ALMS1: variants seen among roughly 807,000 people sequenced by gnomAD.
ALMS1 encodes centrosome-associated protein ALMS1.
ALMS1 carries 271 observed loss-of-function variants against 352.2 expected under a neutral mutation model. The observed-to-expected ratio is 0.77, with a 90% CI of 0.70 to 0.85. The LOEUF (loss-of-function observed/expected upper bound fraction) is 0.85, where lower values mean the gene tolerates loss of function less well. Among genes scored for constraint, ALMS1 ranks in the 40% least tolerant of loss-of-function variants. ALMS1 has a pLI of 0.00. For missense variants in ALMS1, 5,445 were observed against 4,870.7 expected, an observed-to-expected ratio of 1.12 and a Z score of -3.51; for synonymous variants, 1,865 against 1,761.2, an observed-to-expected ratio of 1.06 and a Z score of -1.48.
chr2:73,451,608 T>C lies in ALMS1; in HGVS notation c.5081T>C (p.Val1694Ala). 1 of 1,614,014 alleles carries C rather than the reference T, an allele frequency of 6.2e-7. No individual in the cohort carries two copies. The highest frequency in any genetic ancestry group is 8.5e-7 in the Non-Finnish European group (1 of 1,179,948). ...LPEEALKVPP[V>A]PGPDAQKTET... is the part of the protein sequence containing the mutation. ...GAAGAAGCTCTGAAAGTTCCACCTG[T>C]TCCTGGACCAGATGCCCAGAAGACT... Residue 1694 changes from valine to alanine, a missense_variant, in exon 8 of 23, where the codon GTT (valine) becomes GCT (alanine). Coordinates refer to ENST00000613296, the MANE Select transcript of ALMS1 (RefSeq NM_001378454.1).
intron 9 of ALMS1, among the ~76,000 whole-genome samples, chr2:73,466,236 A>G (rs906354482): frequency 3.3e-5 from 5 of 152,142 alleles, no homozygotes; most frequent in African/African-American, 9.7e-5. Context: ...AACCAACCCA[A>G]ATGTCCAAGA....
At chr2:73,512,795 T>A (rs192032659) in intron 10 of ALMS1, among the ~76,000 whole-genome samples, 1 of 152,314 alleles carries the variant, frequency 6.6e-6, no homozygotes, top group East Asian at 1.9e-4. Flanking sequence ...CTTTGCTTTC[T>A]GGCACAAGAT....
rs537255276 is a variant in ALMS1 at position 73,542,453 on chromosome 2, C to T, written c.9907+7504C>T. On this transcript the variant is annotated intron_variant, in intron 12 of 22. Transcript: ENST00000613296. ...AAACTGGAAGCATTGAAAACTGGCA[C>T]AAGACAGGGATGCCCTCTCTCACCA... Among the ~76,000 whole-genome samples, 9 of 152,280 alleles carry T rather than the reference C, an allele frequency of 5.9e-5. No homozygotes were observed. The South Asian group carries it at 1.2e-3, about 21-fold the overall frequency.
At chr2:73,386,761 A>G (rs963594348) in intron 1 of ALMS1, among the ~76,000 whole-genome samples, 1 of 152,192 alleles carries the variant, frequency 6.6e-6, no homozygotes, top group African/African-American at 2.4e-5. Flanking sequence ...ATGCGGCTCC[A>G]AACAGTCTGC....
chr2:73,526,262 G>A (rs1019931861), intron 11 of ALMS1, among the ~76,000 whole-genome samples: 1 of 152,076 alleles, frequency 6.6e-6, no homozygotes, highest in Non-Finnish European at 1.5e-5. Flanking sequence ...TCTATTCTGG[G>A]TCTTTTGTGG....
Position 73,453,018 on chromosome 2 carries a change from A to G in ALMS1, c.6491A>G (p.Asp2164Gly). ...TTGCCAGATAGACATCTAACTGAAGATGCTCTAAAGATCTCAAGTGCTCTT... is the reference window on the plus strand; with the variant it reads ...TTGCCAGATAGACATCTAACTGAAGGTGCTCTAAAGATCTCAAGTGCTCTT... The part of the protein sequence containing the change: ...KDLPDRHLTE[D>G]ALKISSALGQ... The change falls in exon 8 of 23, where the codon GAT (aspartate) becomes GGT (glycine). Residue 2164 changes from aspartate (D) to glycine (G), a missense_variant. Asp to Gly is a moderately conservative substitution (Grantham distance 94). Transcript: ENST00000613296. 2.5e-6 allele frequency: 4 copies of G among 1,613,306 alleles called. No homozygotes were observed. The highest frequency in any genetic ancestry group is 3.4e-6 in the Non-Finnish European group (4 of 1,179,838).
chr2:73,539,662 A>G (rs1035520011), intron 12 of ALMS1, among the ~76,000 whole-genome samples: 5 of 152,212 alleles, frequency 3.3e-5, no homozygotes, highest in African/African-American at 1.2e-4. Context: ...AGAATAACCA[A>G]TGCAGAGAAG....
intron 9 of ALMS1, among the ~76,000 whole-genome samples, chr2:73,485,820 G>A (rs375258348): frequency 6.6e-6 from 1 of 152,144 alleles, no homozygotes; most frequent in African/African-American, 2.4e-5. Flanking sequence ...GTATTCGGGT[G>A]GGAGTGACCC....
chr2:73,397,776 T>C (rs532781341), intron 1 of ALMS1, among the ~76,000 whole-genome samples: 20 of 152,158 alleles, frequency 1.3e-4, no homozygotes, highest in Non-Finnish European at 2.5e-4. Flanking sequence ...ACAGACTTTA[T>C]CTTTTAGGGC....
intron 11 of ALMS1, among the ~76,000 whole-genome samples, chr2:73,526,085 G>A (rs1456818646): frequency 6.6e-6 from 1 of 152,132 alleles, no homozygotes; most frequent in African/African-American, 2.4e-5. Flanking sequence ...TGAGTTCACT[G>A]TAGGTGTGTG....
intron 14 of ALMS1, 80 bp from the exon 15 acceptor site, chr2:73,558,892 A>G (rs1465505528): frequency 1.0e-5 from 15 of 1,449,364 alleles, no homozygotes; most frequent in East Asian, 7.0e-5. Flanking sequence ...AGCCTTTCAC[A>G]TAATACGTAC....
At chr2:73,504,100 CA>C (rs1673271174) in intron 10 of ALMS1, among the ~76,000 whole-genome samples, 1 of 152,014 alleles carries the variant, frequency 6.6e-6, no homozygotes, top group Middle Eastern at 3.2e-3. Flanking sequence ...ATATGTGACT[CA>C]CAAGAGGTTA....
upstream of ALMS1, chr2:73,385,821 C>T (rs543687863): frequency 4.9e-4 from 336 of 680,838 alleles, 2 homozygotes; most frequent in Non-Finnish European, 7.4e-4. Flanking sequence ...CCTTCCCCTC[C>T]CTCCCCCCCT....
chr2:73,481,631 G>C (rs1316680393), intron 9 of ALMS1, among the ~76,000 whole-genome samples: 1 of 150,634 alleles, frequency 6.6e-6, no homozygotes, highest in Non-Finnish European at 1.5e-5. Context: ...TTGGTAGCTT[G>C]ATGGGGATGG....
At position 73,601,236 on chromosome 2, in the gene ALMS1, T is replaced by G. The variant is rs780719848; in HGVS notation, c.11914T>G (p.Ser3972Ala). The change falls in exon 19 of 23, where the codon TCA becomes GCA. Residue 3972 changes from serine (S) to alanine (A), a missense_variant. Coordinates refer to ENST00000613296, the MANE Select transcript of ALMS1 (RefSeq NM_001378454.1). ...FVPVENVESR[S>A]KKENVPNTCG... ...TCCTGTGGAAAATGTGGAGTCTAGA[T>G]CAAAGAAGGAAAACGTGCCTAACAC... 1 of 1,614,174 alleles carries G rather than the reference T, an allele frequency of 6.2e-7. No homozygotes were observed. The highest frequency in any genetic ancestry group is 1.7e-5 in the Admixed American group (1 of 60,028).
Position 73,573,428 on chromosome 2 carries a change from C to T in ALMS1, c.11547+4C>T, listed in dbSNP as rs753353269. ...CACCAGAAGGAGACACATCCAGGTA[C>T]ATGGCTACAGATTCCATCTGGCAAT... On this transcript the variant is annotated splice_donor_region_variant and intron_variant, in intron 16 of 22. Transcript: ENST00000613296. 3.1e-6 allele frequency: 5 copies of T among 1,613,902 alleles called. No homozygotes were observed. The highest frequency in any genetic ancestry group is 4.2e-6 in the Non-Finnish European group (5 of 1,179,908).
intron 9 of ALMS1, among the ~76,000 whole-genome samples, chr2:73,466,210 A>G (rs1307575908): frequency 6.6e-6 from 1 of 152,144 alleles, no homozygotes; most frequent in Non-Finnish European, 1.5e-5. Context: ...CACTATTCAC[A>G]ATAGCAAATA....
rs1672446359 is a variant in ALMS1 at position 73,470,562 on chromosome 2, T to A, written c.7674+15267T>A. The A allele has an allele frequency of 3.3e-5, 5 of 151,990 alleles. No individual in the cohort carries two copies. The South Asian group carries it at 1.0e-3, about 31-fold the overall frequency. The allele number at this position is 151,990 out of a possible 1,614,324, so 9.4% of individuals were successfully genotyped here. On this transcript the variant is annotated intron_variant, in intron 9 of 22. Transcript: ENST00000613296. Reference sequence around the variant, plus strand: ...TTGGTATCATTTCAGTCTTCTTAAATTTGTTCAGACTTGTTTTATGACTTA... The same window carrying A: ...TTGGTATCATTTCAGTCTTCTTAAAATTGTTCAGACTTGTTTTATGACTTA...
intron 8 of ALMS1, 62 bp from the exon 9 acceptor site, chr2:73,455,100 G>A: frequency 1.3e-6 from 2 of 1,566,162 alleles, no homozygotes; most frequent in South Asian, 1.1e-5. Flanking sequence ...CTTCTGTGTT[G>A]CAATTGTTGA....
Sources: gnomAD v4.1 joint callset for allele counts (sites outside exome capture counted in the v4.1 genomes callset) on GRCh38, gnomAD v4.1.1 for gene constraint, MANE v1.5 for transcripts, NCBI Gene and HGNC (gene_info 2026-07-23, HGNC 2026-07-21) for gene names.